Variants in DST observed in about 807,000 individuals in gnomAD.
The protein encoded by DST is dystonin.
Under a neutral mutation model 875.2 loss-of-function variants are expected in DST, and 253 were observed. The ratio of observed to expected loss-of-function variants is 0.29; its 90% CI spans 0.26 to 0.32. The LOEUF (loss-of-function observed/expected upper bound fraction) is 0.32, where lower values mean the gene tolerates loss of function less well. Ranked by LOEUF, DST falls within the 10% of genes least tolerant of loss-of-function variation. The pLI, the probability that DST is intolerant of heterozygous loss-of-function variation, is 1.00. For missense variants in DST, 8,287 were observed against 9,111.6 expected (o/e 0.91, Z 3.68); for synonymous variants, 3,124 against 3,197.1 (o/e 0.98, Z 0.77).
chr6:56,580,730 T>TC (rs549089766), intron 49 of DST, among the ~76,000 whole-genome samples: 10 of 146,846 alleles, frequency 6.8e-5, no homozygotes, highest in Non-Finnish European at 7.5e-5. Context: ...TTTTTCTTTT[T>TC]TTTTTTTTTT....
chr6:56,678,264 T>A (rs933544871), intron 9 of DST, among the ~76,000 whole-genome samples: 7 of 152,236 alleles, frequency 4.6e-5, no homozygotes, highest in African/African-American at 1.4e-4. Context: ...ACCTACATCC[T>A]GGATCTCATC....
intron 100 of DST, 187 bp downstream of exon 100, chr6:56,464,498 T>A (rs1327226135): frequency 1.7e-6 from 1 of 601,472 alleles, no homozygotes; most frequent in Non-Finnish European, 3.0e-6. Context: ...AACACCTGCA[T>A]GTGTAACACA....
chr6:56,640,835 C>T (rs896972623), intron 17 of DST, among the ~76,000 whole-genome samples: 1 of 151,976 alleles, frequency 6.6e-6, no homozygotes, highest in African/African-American at 2.4e-5. Flanking sequence ...TATGCCTAAA[C>T]GGCTCAAAAA....
chr6:56,609,918 A>C (rs746015856), intron 39 of DST, among the ~76,000 whole-genome samples: 1 of 152,194 alleles, frequency 6.6e-6, no homozygotes, highest in Non-Finnish European at 1.5e-5. Flanking sequence ...AGGCCTGTTG[A>C]TATACACTGT....
rs2098911807 is a variant in DST, at chr6:56,642,104, G to A, written c.1873-3C>T. On this transcript the variant is annotated splice_region_variant and splice_polypyrimidine_tract_variant and intron_variant, in intron 16 of 103. Transcript: ENST00000680361. ...CCTGATTCTAATCTTTTAGAATCCT[G>A]TATTTTAAAAGAACTCAGTATTAAT... The A allele has an allele frequency of 1.2e-6, 2 of 1,607,818 alleles. No individual in the cohort carries two copies. The highest frequency in any genetic ancestry group is 1.3e-5 in the African/African-American group (1 of 74,782).
Position 56,517,231 on chromosome 6 carries a change from G to C in DST, c.18324C>G (p.Thr6108=). The change falls in exon 71 of 104, where the codon ACC becomes ACG. Residue 6108 remains threonine, a synonymous_variant. Coordinates refer to ENST00000680361, the MANE Select transcript of DST (RefSeq NM_001374736.1). ...DLVKSGHKIM[T]ACSEEEKQSM... is the part of the protein sequence containing the mutation. The stretch of plus-strand genomic sequence containing the variant: ...ATTGCTTTTCCTCTTCACTGCATGC[G>C]GTCATGATTTTATGCCCAGATTTAA... 6.2e-7 allele frequency: 1 copy of C among 1,612,848 alleles called. No homozygotes were observed. Among genetic ancestry groups the C allele is most frequent in the Non-Finnish European group, 8.5e-7 (1 of 1,179,374 alleles).
intron 4 of DST, among the ~76,000 whole-genome samples, chr6:56,766,525 C>CT (rs373724419): frequency 0.048 from 6,695 of 140,198 alleles, 373 homozygotes; most frequent in African/African-American, 0.14. Context: ...GCTGCGGTAT[C>CT]TTTTTTTTTT....
chr6:56,723,844 A>C (rs923548070), intron 5 of DST, among the ~76,000 whole-genome samples: 22 of 152,148 alleles, frequency 1.4e-4, no homozygotes, highest in African/African-American at 4.8e-4. Flanking sequence ...GTGTACCATA[A>C]ATCTCTTCAA....
chr6:56,779,264 A>G (rs966988301), intron 4 of DST, among the ~76,000 whole-genome samples: 2 of 152,074 alleles, frequency 1.3e-5, no homozygotes, highest in African/African-American at 4.8e-5. Context: ...GCTGGAGTTC[A>G]TTGTAGATTC....
chr6:56,740,565 C>T (rs547856693), intron 4 of DST, among the ~76,000 whole-genome samples: 9 of 152,290 alleles, frequency 5.9e-5, no homozygotes, highest in African/African-American at 1.7e-4. Flanking sequence ...ATTGAAAGAG[C>T]CTTGGTTAGG....
At chr6:56,873,798 A>G (rs192363518) in intron 3 of DST, among the ~76,000 whole-genome samples, 1 of 152,326 alleles carries the variant, frequency 6.6e-6, no homozygotes, top group African/African-American at 2.4e-5. Context: ...GTTTGACAGC[A>G]ATATAGGATA....
chr6:56,852,353 C>G (rs1765690901), intron 3 of DST, among the ~76,000 whole-genome samples: 1 of 152,210 alleles, frequency 6.6e-6, no homozygotes, highest in South Asian at 2.1e-4. Flanking sequence ...GTAACAGCTG[C>G]CAATAATGTA....
intron 92 of DST, among the ~76,000 whole-genome samples, chr6:56,474,836 G>GT (rs961264863): frequency 2.0e-5 from 3 of 151,972 alleles, no homozygotes; most frequent in African/African-American, 7.3e-5. Context: ...GCATGTGCCT[G>GT]TAGTCCCAGC....
At chr6:56,596,470 C>G (rs2098388679) in intron 47 of DST, among the ~76,000 whole-genome samples, 1 of 152,210 alleles carries the variant, frequency 6.6e-6, no homozygotes, top group Non-Finnish European at 1.5e-5. Context: ...TTTCTCACTA[C>G]TTTGGTCAAC....
Position 56,459,299 on chromosome 6 carries a change from T to A in DST, c.23195-32A>T, listed in dbSNP as rs186873881. 2,466 of 1,588,712 alleles carry A rather than the reference T, an allele frequency of 1.6e-3. 6 individuals are homozygous for A. The highest frequency in any genetic ancestry group is 2.0e-3 in the Non-Finnish European group (2,332 of 1,166,700). The stretch of plus-strand genomic sequence containing the variant: ...AAAGAAGGTAGAGACAGCTCACCCT[T>A]ATTATTGGGTCCATCTGCAACTAAT... On this transcript the variant is annotated intron_variant, in intron 103 of 103. Transcript: ENST00000680361.
At chr6:56,876,485 C>G (rs1591979993) in intron 3 of DST, among the ~76,000 whole-genome samples, 1 of 152,152 alleles carries the variant, frequency 6.6e-6, no homozygotes, top group African/African-American at 2.4e-5. Context: ...ACCTCTAATG[C>G]TCTGTTCCTG....
At chr6:56,731,925 CCTAT>C (rs1377194075) in intron 5 of DST, among the ~76,000 whole-genome samples, 2 of 151,912 alleles carry the variant, frequency 1.3e-5, no homozygotes, top group African/African-American at 4.8e-5. Flanking sequence ...ACATTGTTAC[CCTAT>C]CTAGATATTT....
chr6:56,513,106 T>A (rs565625477), intron 72 of DST, among the ~76,000 whole-genome samples: 2 of 152,342 alleles, frequency 1.3e-5, no homozygotes, highest in South Asian at 2.1e-4. Context: ...TCAAGAGTTA[T>A]CAAGAGACTC....
At position 56,565,534 on chromosome 6, in the gene DST, T is replaced by C. The variant is rs1303868220; in HGVS notation, c.14005+2935A>G. Reference sequence around the variant, plus strand: ...CTGTCTGGTCCTGGGCTTTTTTTGGTTGATAGGCTATTAATTACTACCTCA... The same window carrying C: ...CTGTCTGGTCCTGGGCTTTTTTTGGCTGATAGGCTATTAATTACTACCTCA... On this transcript the variant is annotated intron_variant, in intron 55 of 103. Coordinates refer to ENST00000680361, the MANE Select transcript of DST (RefSeq NM_001374736.1). Among the ~76,000 whole-genome samples the C allele has an allele frequency of 2.6e-5, 4 of 152,324 alleles. No individual in the cohort carries two copies. In the Middle Eastern group the frequency reaches 0.01, roughly 389 times the overall value.
Sources: allele counts gnomAD v4.1 joint callset (sites outside exome capture counted in the v4.1 genomes callset), GRCh38; gene constraint gnomAD v4.1.1; transcripts MANE v1.5; gene names NCBI Gene and HGNC (gene_info 2026-07-23, HGNC 2026-07-21).